Variants in SLC7A1 observed in about 807,000 individuals in gnomAD.
The protein encoded by SLC7A1 is high affinity cationic amino acid transporter 1.
Under a neutral mutation model 53.9 loss-of-function variants are expected in SLC7A1, and 10 were observed. The observed-to-expected ratio is 0.19, with a 90% CI of 0.11 to 0.31. SLC7A1 has a LOEUF of 0.31. Among genes scored for constraint, SLC7A1 ranks in the 10% least tolerant of loss-of-function variants. SLC7A1 has a pLI of 1.00. For synonymous variants in SLC7A1, 342 were observed against 338.7 expected (o/e 1.01, Z -0.11); for missense variants, 525 against 827.2 (o/e 0.63, Z 4.48).
chr13:29,574,384 G>A (rs1018903192), intron 1 of SLC7A1, among the ~76,000 whole-genome samples: 5 of 152,150 alleles, frequency 3.3e-5, no homozygotes, highest in Non-Finnish European at 7.3e-5. Context: ...TATCACTGAC[G>A]CTTAATGTTG....
At chr13:29,533,268 G>A (rs939338966) in intron 3 of SLC7A1, among the ~76,000 whole-genome samples, 6 of 144,188 alleles carry the variant, frequency 4.2e-5, no homozygotes, top group African/African-American at 1.5e-4. Context: ...TTCGCAAAAC[G>A]AGTGTTACCC....
At chr13:29,573,028 T>G (rs1293817004) in intron 1 of SLC7A1, among the ~76,000 whole-genome samples, 1 of 152,138 alleles carries the variant, frequency 6.6e-6, no homozygotes, top group Non-Finnish European at 1.5e-5. Flanking sequence ...AAAATGCAGA[T>G]AGCAAATAAT....
chr13:29,568,712 A>T (rs1056198872), intron 1 of SLC7A1, among the ~76,000 whole-genome samples: 1 of 152,168 alleles, frequency 6.6e-6, no homozygotes, highest in Non-Finnish European at 1.5e-5. Flanking sequence ...AAAGAAGGGG[A>T]AGGAGAAAAA....
intron 1 of SLC7A1, among the ~76,000 whole-genome samples, chr13:29,554,331 C>A (rs1870337264): frequency 6.6e-6 from 1 of 152,204 alleles, no homozygotes; most frequent in African/African-American, 2.4e-5. Context: ...CCAATTCGTA[C>A]AATCGAGAAT....
Position 29,523,380 on chromosome 13 carries a change from A to G in SLC7A1, c.935T>C (p.Met312Thr), listed in dbSNP as rs1868722879. 6.2e-7 allele frequency: 1 copy of G among 1,613,860 alleles called. No homozygotes were observed. The highest frequency in any genetic ancestry group is 8.5e-7 in the Non-Finnish European group (1 of 1,180,006). Reference protein sequence around the residue: ...FGVSAALTLMMPYFCLDNNSP... With the variant: ...FGVSAALTLMTPYFCLDNNSP... Reference sequence around the variant, plus strand: ...GTTATTGTCCAGGCAGAAGTAGGGCATCATGAGCGTGAGGGCAGCCGACAC... The same window carrying G: ...GTTATTGTCCAGGCAGAAGTAGGGCGTCATGAGCGTGAGGGCAGCCGACAC... The change falls in exon 7 of 13, where the codon ATG (methionine) becomes ACG (threonine). Residue 312 changes from methionine to threonine, a missense_variant. Around this residue, in one of 4 missense-constraint regions of SLC7A1, gnomAD observed 354 missense variants for 587.5 expected, o/e 0.60. Coordinates refer to ENST00000380752, the MANE Select transcript of SLC7A1 (RefSeq NM_003045.5).
At chr13:29,557,796 GGGGGAAAGTGAATGTGA>G in intron 1 of SLC7A1, among the ~76,000 whole-genome samples, 2 of 69,372 alleles carry the variant, frequency 2.9e-5, no homozygotes, top group South Asian at 6.3e-4. Flanking sequence ...ATGTGAATGA[GGGGGAAAGTGAATGTGA>G]GGGGGAGTGA....
chr13:29,522,526 T>C, intron 7 of SLC7A1, 70 bp from the exon 8 acceptor site: 1 of 1,567,460 alleles, frequency 6.4e-7, no homozygotes, highest in Non-Finnish European at 8.8e-7. Flanking sequence ...CATCCAGCCA[T>C]GCTCGGTTTA....
intron 1 of SLC7A1, among the ~76,000 whole-genome samples, chr13:29,579,363 AT>A (rs34087661): frequency 0.15 from 21,848 of 143,830 alleles, 2,408 homozygotes; most frequent in East Asian, 0.63. Flanking sequence ...TCCACTAGCA[AT>A]TTTTTTTTTT....
chr13:29,513,315 A>C lies in SLC7A1; in HGVS notation c.*1165T>G, dbSNP rs1045612580. ...CCCCTGCGACCCACGCATCTCAGCTATAGGACAGCCGCAGGGGTGATGACA... is the reference window on the plus strand; with the variant it reads ...CCCCTGCGACCCACGCATCTCAGCTCTAGGACAGCCGCAGGGGTGATGACA... On this transcript the variant is annotated 3_prime_UTR_variant, in exon 13 of 13. Transcript: ENST00000380752. 1 of 152,714 alleles carries C rather than the reference A, an allele frequency of 6.5e-6. No homozygotes were observed. Among genetic ancestry groups the C allele is most frequent in the Non-Finnish European group, 1.5e-5 (1 of 68,066 alleles). The allele number at this position is 152,714 out of a possible 1,614,324, so 9.5% of individuals were successfully genotyped here.
intron 2 of SLC7A1, among the ~76,000 whole-genome samples, chr13:29,542,631 C>T (rs914950791): frequency 2.7e-5 from 4 of 150,040 alleles, no homozygotes; most frequent in African/African-American, 4.9e-5. Flanking sequence ...TGCAGTGAAC[C>T]GTGATCACAC....
chr13:29,510,811 G>C lies in SLC7A1; in HGVS notation c.*3669C>G, dbSNP rs1277684120. ...GGAAGGGTCTGTGTAAAAATGGGAT[G>C]TGTGAATCAGAAGAGGGGCCCTGGC... On this transcript the variant is annotated 3_prime_UTR_variant, in exon 13 of 13. Coordinates refer to ENST00000380752, the MANE Select transcript of SLC7A1 (RefSeq NM_003045.5). The C allele has an allele frequency of 1.3e-5, 2 of 152,314 alleles. No homozygotes were observed. The highest frequency in any genetic ancestry group is 6.5e-5 in the Admixed American group (1 of 15,290). The allele number at this position is 152,314 out of a possible 1,614,324, so 9.4% of individuals were successfully genotyped here. A position where few individuals can be genotyped will look rare whatever the true frequency, so the allele number is the denominator to read the frequency against.
intron 2 of SLC7A1, among the ~76,000 whole-genome samples, chr13:29,551,535 T>C (rs1870187605): frequency 2.0e-5 from 3 of 152,134 alleles, no homozygotes; most frequent in Admixed American, 1.3e-4. Flanking sequence ...ACCTTGATAA[T>C]GCACTGCCCA....
intron 1 of SLC7A1, among the ~76,000 whole-genome samples, chr13:29,570,178 G>A (rs763637820): frequency 4.1e-4 from 62 of 152,194 alleles, no homozygotes; most frequent in Non-Finnish European, 7.1e-4. Flanking sequence ...GCTCTGCTAT[G>A]TGCAGTGGTC....
At chr13:29,534,202 T>C (rs1869302555) in intron 3 of SLC7A1, among the ~76,000 whole-genome samples, 1 of 152,192 alleles carries the variant, frequency 6.6e-6, no homozygotes, top group East Asian at 1.9e-4. Flanking sequence ...TAAAAAAATG[T>C]TTGCTGGAAA....
intron 7 of SLC7A1, among the ~76,000 whole-genome samples, chr13:29,522,855 G>A (rs2139078621): frequency 6.6e-6 from 1 of 152,320 alleles, no homozygotes; most frequent in Admixed American, 6.5e-5. Context: ...TGTTTATACA[G>A]GCTAAGAGGA....
chr13:29,569,087 G>C (rs1243213210), intron 1 of SLC7A1, among the ~76,000 whole-genome samples: 2 of 152,140 alleles, frequency 1.3e-5, no homozygotes, highest in Non-Finnish European at 2.9e-5. Flanking sequence ...CCTCAGCTCA[G>C]CCGAGGGCAC....
At chr13:29,570,467 G>GC (rs1871144876) in intron 1 of SLC7A1, among the ~76,000 whole-genome samples, 2 of 152,042 alleles carry the variant, frequency 1.3e-5, no homozygotes, top group African/African-American at 2.4e-5. Flanking sequence ...ACCCACACCC[G>GC]CCCCCCTACC....
intron 2 of SLC7A1, among the ~76,000 whole-genome samples, chr13:29,537,610 T>C (rs1869484160): frequency 6.6e-6 from 1 of 152,182 alleles, no homozygotes; most frequent in African/African-American, 2.4e-5. Context: ...CAAAGTAAGA[T>C]ACACGTTCCT....
chr13:29,577,969 C>T (rs958703658), intron 1 of SLC7A1, among the ~76,000 whole-genome samples: 2 of 152,138 alleles, frequency 1.3e-5, no homozygotes, highest in African/African-American at 4.8e-5. Flanking sequence ...TGTGGAAAGT[C>T]CTGTTTGCTT....
Sources: allele counts gnomAD v4.1 joint callset (sites outside exome capture counted in the v4.1 genomes callset), GRCh38; gene constraint gnomAD v4.1.1; regional missense constraint gnomAD v4.1.1; transcripts MANE v1.5; gene names NCBI Gene and HGNC (gene_info 2026-07-23, HGNC 2026-07-21).